The following PRKD1 variants were observed in gnomAD, a reference collection of about 807,000 sequenced individuals.
PRKD1 encodes the protein protein kinase D1.
A neutral mutation model predicts 95.9 loss-of-function variants in PRKD1; 63 were observed. The observed-to-expected ratio is 0.66, with a 90% CI of 0.54 to 0.81. PRKD1 has a LOEUF of 0.81. PRKD1 is among the 30% of genes least tolerant of loss of function. PRKD1 has a pLI of 0.00. For missense variants in PRKD1, 1,048 were observed against 1,165.3 expected (o/e 0.90, Z 1.47); for synonymous variants, 425 against 423.1 (o/e 1.00, Z -0.05).
chr14:29,741,274 A>C (rs2139434245), intron 1 of PRKD1, among the ~76,000 whole-genome samples: 1 of 152,332 alleles, frequency 6.6e-6, no homozygotes, highest in Admixed American at 6.5e-5. Context: ...AAAATTAAAA[A>C]ATAAATAAAG....
At chr14:29,893,192 G>A (rs1893999214) in intron 1 of PRKD1, among the ~76,000 whole-genome samples, 1 of 151,914 alleles carries the variant, frequency 6.6e-6, no homozygotes, top group Non-Finnish European at 1.5e-5. Flanking sequence ...AGTAGAGATG[G>A]TAGAAAGGTA....
chr14:29,852,996 C>A (rs2139342086), intron 1 of PRKD1, among the ~76,000 whole-genome samples: 1 of 152,160 alleles, frequency 6.6e-6, no homozygotes, highest in East Asian at 1.9e-4. Context: ...ATGAGACTCA[C>A]TTTAGATTGA....
intron 13 of PRKD1, among the ~76,000 whole-genome samples, chr14:29,607,395 C>T (rs1285421237): frequency 6.6e-6 from 1 of 152,188 alleles, no homozygotes; most frequent in Non-Finnish European, 1.5e-5. Context: ...GCTGTTTTCT[C>T]TGGTCTGGGT....
chr14:29,758,416 G>T (rs1355569467), intron 1 of PRKD1, among the ~76,000 whole-genome samples: 3 of 152,192 alleles, frequency 2.0e-5, no homozygotes, highest in Non-Finnish European at 2.9e-5. Context: ...TGGCAGTTCA[G>T]CAGGAGGTCA....
chr14:29,638,659 GAT>G (rs779866724), intron 5 of PRKD1, 33 bp downstream of exon 5: 1 of 1,611,906 alleles, frequency 6.2e-7, no homozygotes, highest in Admixed American at 1.7e-5. Flanking sequence ...GAATGAGGGT[GAT>G]CAAAGTTCGA....
intron 1 of PRKD1, among the ~76,000 whole-genome samples, chr14:29,847,856 T>C (rs914718337): frequency 6.6e-6 from 1 of 152,048 alleles, no homozygotes; most frequent in African/African-American, 2.4e-5. Flanking sequence ...CATGCATGCA[T>C]GCGTGTTCTC....
At position 29,737,847 on chromosome 14, in the gene PRKD1, C is replaced by T. The variant is rs45490294; in HGVS notation, c.265-12173G>A. On this transcript the variant is annotated intron_variant, in intron 1 of 17. Transcript: ENST00000331968. ...TAAACTTGTATTATTAACTTCTGCC[C>T]AGGAAATAAAACCATCCCCTTTTTA... 1.7e-3 allele frequency among the ~76,000 whole-genome samples: 252 copies of T among 152,266 alleles called. 2 individuals carry two copies. Among genetic ancestry groups the T allele is most frequent in the African/African-American group, 5.9e-3 (245 of 41,544 alleles).
intron 1 of PRKD1, among the ~76,000 whole-genome samples, chr14:29,865,511 C>T (rs1450757148): frequency 6.6e-6 from 1 of 152,158 alleles, no homozygotes; most frequent in South Asian, 2.1e-4. Flanking sequence ...TTCATTATCA[C>T]AAGAGTGGCT....
intron 1 of PRKD1, among the ~76,000 whole-genome samples, chr14:29,844,119 C>A (rs76599583): frequency 6.6e-6 from 1 of 152,148 alleles, no homozygotes; most frequent in Admixed American, 6.6e-5. Context: ...GTAAACAAAC[C>A]TGGCTCCAGA....
intron 1 of PRKD1, among the ~76,000 whole-genome samples, chr14:29,752,831 A>G (rs892403643): frequency 6.6e-6 from 1 of 152,086 alleles, no homozygotes; most frequent in Non-Finnish European, 1.5e-5. Flanking sequence ...AACTTTTCTG[A>G]TTTCCTGTTT....
chr14:29,814,209 C>T (rs1251832324), intron 1 of PRKD1, among the ~76,000 whole-genome samples: 4 of 152,172 alleles, frequency 2.6e-5, no homozygotes, highest in Non-Finnish European at 5.9e-5. Flanking sequence ...ATTTTGCTCA[C>T]GACCTCACCT....
chr14:29,587,418 CAT>C (rs1224812951), intron 16 of PRKD1, among the ~76,000 whole-genome samples: 2 of 152,286 alleles, frequency 1.3e-5, no homozygotes, highest in Admixed American at 6.5e-5. Flanking sequence ...CATCTCCACA[CAT>C]AACTCAGGTG....
At chr14:29,883,158 T>C (rs928446890) in intron 1 of PRKD1, among the ~76,000 whole-genome samples, 4 of 152,090 alleles carry the variant, frequency 2.6e-5, no homozygotes, top group Admixed American at 2.0e-4. Context: ...AAGGGTGCCA[T>C]CCACTTAAAA....
chr14:29,638,368 A>T, intron 6 of PRKD1, 121 bp downstream of exon 6: 1 of 965,910 alleles, frequency 1.0e-6, no homozygotes, highest in Non-Finnish European at 1.6e-6. Flanking sequence ...GCCATAATTT[A>T]CTTTAGACTG....
At chr14:29,745,764 C>T (rs1367930796) in intron 1 of PRKD1, among the ~76,000 whole-genome samples, 2 of 152,100 alleles carry the variant, frequency 1.3e-5, no homozygotes, top group Non-Finnish European at 2.9e-5. Context: ...GTGTGAGCCA[C>T]CTGCACCCAG....
At chr14:29,867,239 G>A (rs1345219897) in intron 1 of PRKD1, among the ~76,000 whole-genome samples, 1 of 124,162 alleles carries the variant, frequency 8.1e-6, no homozygotes, top group African/African-American at 4.7e-5. Context: ...AACTGTTAAT[G>A]TACTATAAGA....
chr14:29,594,286 A>T (rs905580738), intron 16 of PRKD1: 19 of 312,728 alleles, frequency 6.1e-5, no homozygotes, highest in Non-Finnish European at 1.1e-4. Context: ...AGGAAAAAAA[A>T]ATACATTACA....
rs1886096986 is a variant in PRKD1 at position 29,725,548 on chromosome 14, C to A, written c.391G>T (p.Val131Leu). The A allele has an allele frequency of 6.2e-7, 1 of 1,613,492 alleles. No individual in the cohort carries two copies. Among genetic ancestry groups the A allele is most frequent in the Admixed American group, 1.7e-5 (1 of 59,958 alleles). The change falls in exon 2 of 18, where the codon GTG becomes TTG. Residue 131 changes from valine to leucine, a missense_variant. Val to Leu is a conservative substitution (Grantham distance 32). Transcript: ENST00000331968. Reference protein sequence around the residue: ...SDIQEGDLIEVVLSASATFED... With the variant: ...SDIQEGDLIELVLSASATFED... ...AAAAGTATACTACCTGACAAGACCACTTCAATAAGATCGCCTTCCTGGATA... is the reference window on the plus strand; with the variant it reads ...AAAAGTATACTACCTGACAAGACCAATTCAATAAGATCGCCTTCCTGGATA...
chr14:29,808,242 T>C (rs1890321723), intron 1 of PRKD1, among the ~76,000 whole-genome samples: 2 of 152,092 alleles, frequency 1.3e-5, no homozygotes, highest in South Asian at 4.1e-4. Context: ...GTTAACGGAA[T>C]CTTCACCAGG....
Sources: allele counts gnomAD v4.1 joint callset (sites outside exome capture counted in the v4.1 genomes callset), GRCh38; gene constraint gnomAD v4.1.1; transcripts MANE v1.5; gene names NCBI Gene and HGNC (gene_info 2026-07-23, HGNC 2026-07-21).